Variants in OSBP observed in about 807,000 individuals in gnomAD.
OSBP encodes oxysterol binding protein.
OSBP carries 32 observed loss-of-function variants against 96.6 expected under a neutral mutation model. That is an observed-to-expected ratio of 0.33 (90% CI 0.25 to 0.45). The LOEUF (loss-of-function observed/expected upper bound fraction) is 0.45. Ranked by LOEUF, OSBP falls within the 20% of genes least tolerant of loss-of-function variation. The pLI, the probability that OSBP is intolerant of heterozygous loss-of-function variation, is 1.00. For missense variants in OSBP, 653 were observed against 1,029.7 expected, an observed-to-expected ratio of 0.63 and a Z score of 5.01; for synonymous variants, 369 against 389.6, an observed-to-expected ratio of 0.95 and a Z score of 0.62.
chr11:59,585,392 G>A (rs1189871382), intron 9 of OSBP, among the ~76,000 whole-genome samples: 5 of 55,338 alleles, frequency 9.0e-5, no homozygotes, highest in African/African-American at 1.4e-4. Context: ...AGGAGACCTC[G>A]CCCGGCAACC....
In OSBP at chr11:59,600,421, C is replaced by T. The variant is rs1860708773; in HGVS notation, c.1311+75G>A. 3.4e-6 allele frequency: 5 copies of T among 1,479,832 alleles called. No individual in the cohort carries two copies. In the South Asian group the frequency reaches 6.3e-5, roughly 19 times the overall value. 91.7% of individuals were successfully genotyped at this position (1,479,832 alleles called of 1,614,324 possible). A position where few individuals can be genotyped will look rare whatever the true frequency, so the allele number is the denominator to read the frequency against. On this transcript the variant is annotated intron_variant, in intron 7 of 13. Transcript: ENST00000263847. ...CAAACTGCCGCACAAGTGGGTGGGG[C>T]TGTCATATCAGCACTCTTCCCACTG...
rs1452592051 is a variant in OSBP, at chr11:59,576,304, T to G, written c.*273A>C. The G allele has an allele frequency of 2.8e-6, 1 of 359,708 alleles. No homozygotes were observed. The highest frequency in any genetic ancestry group is 5.0e-6 in the Non-Finnish European group (1 of 200,534). 22.3% of individuals were successfully genotyped at this position (359,708 alleles called of 1,614,324 possible). A position where few individuals can be genotyped will look rare whatever the true frequency, so the allele number is the denominator to read the frequency against. On this transcript the variant is annotated 3_prime_UTR_variant, in exon 14 of 14. Transcript: ENST00000263847. ...GAAAGAAGAGCCAAGAATACTTGAC[T>G]TCGTGGATGTGGAATAACACTAACC...
intron 7 of OSBP, among the ~76,000 whole-genome samples, chr11:59,597,508 C>G (rs1355874458): frequency 1.3e-5 from 2 of 151,850 alleles, no homozygotes; most frequent in Admixed American, 6.6e-5. Flanking sequence ...TAGGTTTATC[C>G]TAAGGCTACT....
chr11:59,596,845 T>G (rs944733237), intron 7 of OSBP, among the ~76,000 whole-genome samples: 25 of 152,272 alleles, frequency 1.6e-4, no homozygotes, highest in African/African-American at 6.0e-4. Flanking sequence ...ACTGGTATCT[T>G]GCATTAGTGA....
chr11:59,615,221 C>A lies in OSBP; in HGVS notation c.362+82G>T, dbSNP rs1439409583. ...CCTGGGGCAACCCTGGCTGCGGTGC[C>A]GGCTGGCGGTAATGCCGGAGCTGGG... On this transcript the variant is annotated intron_variant, in intron 1 of 13. Coordinates refer to ENST00000263847, the MANE Select transcript of OSBP (RefSeq NM_002556.3). The A allele has an allele frequency of 6.5e-6, 8 of 1,225,260 alleles. No homozygotes were observed. The East Asian group carries it at 1.5e-4, about 23-fold the overall frequency. The allele number at this position is 1,225,260 out of a possible 1,614,324, so 75.9% of individuals were successfully genotyped here.
intron 11 of OSBP, 38 bp downstream of exon 11, chr11:59,580,136 A>G: frequency 7.5e-7 from 1 of 1,325,456 alleles, no homozygotes; most frequent in South Asian, 1.2e-5. Flanking sequence ...TAAGAGATAC[A>G]TGCTACGTGA....
At chr11:59,609,521 TGCTAGACAGAGAGACGGG>T (rs1860819871) in intron 2 of OSBP, among the ~76,000 whole-genome samples, 1 of 151,350 alleles carries the variant, frequency 6.6e-6, no homozygotes, top group African/African-American at 2.4e-5. Flanking sequence ...CTGTCCTTTC[TGCTAGACAGAGAGACGGG>T]GCCAAAGTCA....
At chr11:59,594,569 T>A (rs138667974) in intron 7 of OSBP, among the ~76,000 whole-genome samples, 26 of 152,302 alleles carry the variant, frequency 1.7e-4, no homozygotes, top group African/African-American at 6.0e-4. Flanking sequence ...AGGTGTTGGA[T>A]GAATAAGTTT....
chr11:59,583,787 C>T (rs542330073), intron 9 of OSBP, among the ~76,000 whole-genome samples: 1 of 150,972 alleles, frequency 6.6e-6, no homozygotes. Context: ...GTTAAGGTGC[C>T]CACCACCACA....
chr11:59,611,174 GAAAT>G (rs1320560496), intron 1 of OSBP, among the ~76,000 whole-genome samples: 2 of 147,030 alleles, frequency 1.4e-5, no homozygotes, highest in Non-Finnish European at 3.0e-5. Flanking sequence ...AAGAAAGAAA[GAAAT>G]AGGCTATACT....
chr11:59,601,836 G>C lies in OSBP; in HGVS notation c.825C>G (p.Ala275=), dbSNP rs768019415. The C allele has an allele frequency of 2.5e-6, 4 of 1,613,746 alleles. No individual in the cohort carries two copies. The highest frequency in any genetic ancestry group is 3.4e-6 in the Non-Finnish European group (4 of 1,179,814). The part of the protein sequence containing the change: ...FRITSNAMIN[A]CRDFLMLAQT... ...GGGCTAACATGAGGAAATCTCTGCA[G>C]GCCTGTATGGAGAAAGCGTTGACTG... Residue 275 remains alanine, a splice_region_variant and synonymous_variant, in exon 4 of 14, where the codon GCC becomes GCG. Transcript: ENST00000263847.
chr11:59,594,518 A>G (rs1045269967), intron 7 of OSBP, among the ~76,000 whole-genome samples: 12 of 152,222 alleles, frequency 7.9e-5, no homozygotes, highest in African/African-American at 1.9e-4. Context: ...TACATACCCA[A>G]GATCCATCAG....
intron 1 of OSBP, among the ~76,000 whole-genome samples, chr11:59,611,658 A>C (rs1860849981): frequency 6.6e-6 from 1 of 152,192 alleles, no homozygotes; most frequent in Admixed American, 6.5e-5. Context: ...GAATATGTTC[A>C]TTCCTAAGGT....
chr11:59,609,842 G>C (rs573585584), intron 2 of OSBP, among the ~76,000 whole-genome samples: 22 of 152,292 alleles, frequency 1.4e-4, no homozygotes, highest in African/African-American at 4.6e-4. Context: ...GTTTTTGGCA[G>C]TCTACTAAAA....
In OSBP at chr11:59,615,765, C is replaced by T. The variant is rs1860921908; in HGVS notation, c.-101G>A. ...GGCTACCGCATCAGCCACCGCCGCG[C>T]AGCGTCCCCGCCCCGCCCGGCCAGC... On this transcript the variant is annotated 5_prime_UTR_variant, in exon 1 of 14. Coordinates refer to ENST00000263847, the MANE Select transcript of OSBP (RefSeq NM_002556.3). The T allele has an allele frequency of 4.9e-6, 6 of 1,215,276 alleles. No homozygotes were observed. The East Asian group carries it at 2.0e-4, about 41-fold the overall frequency. The allele number at this position is 1,215,276 out of a possible 1,614,324, so 75.3% of individuals were successfully genotyped here. A position where few individuals can be genotyped will look rare whatever the true frequency, so the allele number is the denominator to read the frequency against.
intron 10 of OSBP, 21 bp downstream of exon 10, chr11:59,581,430 A>G (rs1860418922): frequency 2.9e-6 from 4 of 1,394,770 alleles, no homozygotes; most frequent in Non-Finnish European, 4.1e-6. Flanking sequence ...CTTCACACAC[A>G]CTTTGGGTAC....
Position 59,607,773 on chromosome 11 carries a change from CAG to C in OSBP, c.822+709_822+710del, listed in dbSNP as rs147749745. On this transcript the variant is annotated intron_variant, in intron 3 of 13. Transcript: ENST00000263847. ...TAATGCCATGGGTGCTCTGTTTACT[CAG>C]AGTCTTGCACCCAAGCAGCTAAAAT... is the stretch of plus-strand genomic sequence containing the variant. 6.6e-3 allele frequency among the ~76,000 whole-genome samples: 999 copies of C among 152,300 alleles called. 8 individuals are homozygous for C. Among genetic ancestry groups the C allele is most frequent in the African/African-American group, 0.022 (934 of 41,562 alleles).
chr11:59,594,113 G>A lies in OSBP; in HGVS notation c.1454C>T (p.Ser485Phe). The change falls in exon 8 of 14, where the codon TCC becomes TTC. Residue 485 changes from serine to phenylalanine, a missense_variant. Physicochemically the swap from Ser to Phe is radical, Grantham distance 155. Coordinates refer to ENST00000263847, the MANE Select transcript of OSBP (RefSeq NM_002556.3). ...CTTACTGGTGCGGAAGACAGTAGTG[G>A]AGTAGGAGGACACGGTGAAAGCTGC... ...YVAAFTVSSY[S>F]TTVFRTSKPF... 2 of 1,614,118 alleles carry A rather than the reference G, an allele frequency of 1.2e-6. No homozygotes were observed. Among genetic ancestry groups the A allele is most frequent in the Non-Finnish European group, 1.7e-6 (2 of 1,180,012 alleles).
At position 59,600,850 on chromosome 11, in the gene OSBP, C is replaced by G; in HGVS notation, c.1148G>C (p.Gly383Ala). ...ATCAAGGCTGATGTCACTGCTGGCT[C>G]CACTGATATTGCTGCCAGTACGTCT... ...GHKRTGSNISGASSDISLDEQ... is the reference protein window; with the variant it reads ...GHKRTGSNISAASSDISLDEQ... Residue 383 changes from glycine (G) to alanine (A), a missense_variant, in exon 6 of 14, where the codon GGA (glycine) becomes GCA (alanine). By Grantham distance (60) the Gly-to-Ala change is moderately conservative. Coordinates refer to ENST00000263847, the MANE Select transcript of OSBP (RefSeq NM_002556.3). The G allele has an allele frequency of 5.6e-6, 9 of 1,613,740 alleles. No homozygotes were observed. The highest frequency in any genetic ancestry group is 7.6e-6 in the Non-Finnish European group (9 of 1,179,806).
Sources: allele counts gnomAD v4.1 joint callset (sites outside exome capture counted in the v4.1 genomes callset), GRCh38; gene constraint gnomAD v4.1.1; transcripts MANE v1.5; gene names NCBI Gene and HGNC (gene_info 2026-07-23, HGNC 2026-07-21).